The following SH3D21 variants were observed in gnomAD, a reference collection of about 807,000 sequenced individuals.
SH3D21 encodes the protein SH3 domain-containing protein 21.
A neutral mutation model predicts 82.1 loss-of-function variants in SH3D21; 83 were observed. That is an observed-to-expected ratio of 1.01 (90% CI 0.85 to 1.21). SH3D21 has a LOEUF of 1.21. Among genes scored for constraint, SH3D21 ranks in the 50% most tolerant of loss-of-function variants. SH3D21 has a pLI of 0.00. For synonymous variants in SH3D21, 383 were observed against 387.8 expected, an observed-to-expected ratio of 0.99 and a Z score of 0.15; for missense variants, 980 against 962.1, an observed-to-expected ratio of 1.02 and a Z score of -0.25.
downstream of SH3D21, among the ~76,000 whole-genome samples, chr1:36,329,963 C>A (rs1570422618): frequency 6.6e-6 from 1 of 152,242 alleles, no homozygotes. Flanking sequence ...GCAACCCCCA[C>A]TGCCGCCCTG....
downstream of SH3D21, chr1:36,328,471 GC>G (rs1327794163): frequency 3.4e-6 from 1 of 295,576 alleles, no homozygotes; most frequent in African/African-American, 2.2e-5. Context: ...GCAAAAATTT[GC>G]TAAATGGACA....
At chr1:36,323,826 CAG>C (rs1238883271), downstream of SH3D21, 2 of 152,282 alleles carry the variant, frequency 1.3e-5, no homozygotes, top group Non-Finnish European at 2.9e-5. Context: ...ACAGCAACAA[CAG>C]AGAGGCTGGA....
downstream of SH3D21, chr1:36,322,950 T>A (rs745689613): frequency 5.6e-6 from 9 of 1,606,496 alleles, no homozygotes; most frequent in South Asian, 9.9e-5. Context: ...AGGCCCCCAG[T>A]CTTCCGGCGC....
Position 36,307,951 on chromosome 1 carries a change from T to C in SH3D21, c.526T>C (p.Tyr176His). The part of the protein sequence containing the change: ...SSLAYDSPPD[Y>H]LQTVSHPEVY... The stretch of plus-strand genomic sequence containing the variant: ...CCTGGCCTATGACAGCCCTCCAGAC[T>C]ACCTGCAGACAGGTGAGCACCCATC... Residue 176 changes from tyrosine to histidine, a missense_variant, in exon 7 of 16, where the codon TAC becomes CAC. Transcript: ENST00000453908. This position sits in a 1 kb window ranked among gnomAD's most constrained non-coding sequence, Gnocchi z 5.4. The C allele has an allele frequency of 6.4e-7, 1 of 1,551,694 alleles. No individual in the cohort carries two copies.
chr1:36,309,762 TTG>T (rs34502139), intron 10 of SH3D21, among the ~76,000 whole-genome samples, 172 bp downstream of exon 10: 46,039 of 151,766 alleles, frequency 0.3, 7,693 homozygotes, highest in East Asian at 0.64. Context: ...GTGGGTCAGT[TTG>T]TGTGTGTGTT....
At chr1:36,308,520 TTGGACAA>T (rs1166805435) in intron 9 of SH3D21, 45 bp downstream of exon 9, 2 of 1,522,160 alleles carry the variant, frequency 1.3e-6, no homozygotes, top group Non-Finnish European at 1.8e-6. Flanking sequence ...GCAGGCTATT[TTGGACAA>T]AGGTGGGGAT....
intron 10 of SH3D21, among the ~76,000 whole-genome samples, chr1:36,309,954 T>C (rs1456608532): frequency 6.6e-6 from 1 of 151,962 alleles, no homozygotes; most frequent in Non-Finnish European, 1.5e-5. Flanking sequence ...TTTATTTATC[T>C]TTTTTTATTT....
At chr1:36,322,302 T>C (rs577715047), downstream of SH3D21, 55 of 1,534,534 alleles carry the variant, frequency 3.6e-5, no homozygotes, top group African/African-American at 6.0e-4. Flanking sequence ...CCATCAGTAA[T>C]AGTGCATGCG....
rs1214958656 is a variant in SH3D21, at chr1:36,320,520, A to G, written c.1857A>G (p.Lys619=). 6.2e-7 allele frequency: 1 copy of G among 1,614,168 alleles called. No individual in the cohort carries two copies. Residue 619 remains lysine (K), a synonymous_variant, in exon 14 of 16, where the codon AAA becomes AAG. Transcript: ENST00000453908. The part of the protein sequence containing the change: ...QRPLREEVLP[K]EGVASKEEVT... ...CTCTGAGAGAGGAGGTGCTCCCCAA[A>G]GAGGGAGTGGCTTCCAAAGAGGAGG...
chr1:36,315,831 TTACTC>T (rs1407780368), intron 10 of SH3D21, among the ~76,000 whole-genome samples: 7 of 152,340 alleles, frequency 4.6e-5, no homozygotes, highest in South Asian at 2.1e-4. Context: ...TTGGCTCTGT[TTACTC>T]TGCTCTGTAA....
chr1:36,328,072 T>C, downstream of SH3D21: 1 of 461,310 alleles, frequency 2.2e-6, no homozygotes, highest in Non-Finnish European at 4.3e-6. Flanking sequence ...ACCTGCCTGC[T>C]TGTTGACTGC....
At chr1:36,326,892 T>C (rs1393062256), downstream of SH3D21, among the ~76,000 whole-genome samples, 1 of 152,182 alleles carries the variant, frequency 6.6e-6, no homozygotes, top group Non-Finnish European at 1.5e-5. Context: ...TCACTGTAGA[T>C]AGGTTAGACT....
chr1:36,326,719 G>A (rs940858851), downstream of SH3D21, among the ~76,000 whole-genome samples: 7 of 152,190 alleles, frequency 4.6e-5, no homozygotes, highest in Non-Finnish European at 2.9e-5. Flanking sequence ...GTGAGGGCGG[G>A]GCCGGTGGAG....
intron 10 of SH3D21, among the ~76,000 whole-genome samples, chr1:36,310,910 G>T (rs1465070172): frequency 2.0e-5 from 3 of 151,292 alleles, no homozygotes; most frequent in African/African-American, 7.3e-5. Context: ...TGGTTTGTTT[G>T]TTTTTTTTTT....
At chr1:36,313,972 CTTTTTTT>C (rs767624105) in intron 10 of SH3D21, among the ~76,000 whole-genome samples, 12 of 36,784 alleles carry the variant, frequency 3.3e-4, no homozygotes, top group Admixed American at 6.2e-4. Context: ...AACATATTTT[CTTTTTTT>C]TTTTTTTTTT....
chr1:36,317,602 G>A (rs575103652), intron 10 of SH3D21, among the ~76,000 whole-genome samples: 3 of 152,016 alleles, frequency 2.0e-5, no homozygotes, highest in East Asian at 1.9e-4. Context: ...AACTCTTGTC[G>A]CCCAGGCTGG....
downstream of SH3D21, chr1:36,322,524 C>T (rs1421028196): frequency 6.2e-7 from 1 of 1,600,844 alleles, no homozygotes. Context: ...GTCGTCGGGG[C>T]CCAGCCGAGT....
At chr1:36,322,465 C>T (rs1263766893), downstream of SH3D21, 7 of 1,604,676 alleles carry the variant, frequency 4.4e-6, no homozygotes, top group Non-Finnish European at 5.1e-6. Flanking sequence ...AAGACGTTGA[C>T]GTTGAGGGGC....
chr1:36,316,443 C>T (rs189991970), intron 10 of SH3D21, among the ~76,000 whole-genome samples: 8 of 152,358 alleles, frequency 5.3e-5, no homozygotes, highest in Admixed American at 3.9e-4. Flanking sequence ...CCATGTTGGC[C>T]AGGCTGGTCT....
Sources: gnomAD v4.1 joint callset for allele counts (sites outside exome capture counted in the v4.1 genomes callset) on GRCh38, gnomAD v4.1.1 for gene constraint, Gnocchi (gnomAD v3.1) non-coding constraint, MANE v1.5 for transcripts, NCBI Gene and HGNC (gene_info 2026-07-23, HGNC 2026-07-21) for gene names.